The following PARP8 variants were observed in gnomAD, a reference collection of about 807,000 sequenced individuals.
PARP8 encodes poly(ADP-ribose) polymerase family member 8.
In PARP8, 51 loss-of-function variants were observed where a neutral mutation model predicts 124.1. The ratio of observed to expected loss-of-function variants is 0.41; its 90% CI spans 0.33 to 0.52. The LOEUF (loss-of-function observed/expected upper bound fraction) is 0.52. PARP8 is among the 20% of genes least tolerant of loss of function. The pLI is 0.21. For missense variants in PARP8, 860 were observed against 1,018.9 expected, an observed-to-expected ratio of 0.84 and a Z score of 2.12; for synonymous variants, 391 against 361.5, an observed-to-expected ratio of 1.08 and a Z score of -0.93.
chr5:50,705,614 A>G (rs1439143786), intron 2 of PARP8, among the ~76,000 whole-genome samples: 4 of 152,078 alleles, frequency 2.6e-5, no homozygotes, highest in African/African-American at 9.7e-5. Context: ...GTGAAACCCC[A>G]TCTTTACTAA....
chr5:50,781,725 T>A (rs973056278), intron 9 of PARP8, among the ~76,000 whole-genome samples: 19 of 152,194 alleles, frequency 1.2e-4, no homozygotes, highest in African/African-American at 2.4e-4. Context: ...GCAGTTTTTT[T>A]AATCTTCCCT....
chr5:50,680,161 T>C (rs1458190051), intron 2 of PARP8, among the ~76,000 whole-genome samples: 1 of 152,210 alleles, frequency 6.6e-6, no homozygotes, highest in Non-Finnish European at 1.5e-5. Context: ...GAGTACCAGA[T>C]ACTCATTGCT....
chr5:50,812,463 G>T (rs1225317942), intron 14 of PARP8, among the ~76,000 whole-genome samples: 1 of 152,228 alleles, frequency 6.6e-6, no homozygotes, highest in Admixed American at 6.5e-5. Flanking sequence ...TTGTAAGTTT[G>T]TTTAAGTTCT....
chr5:50,681,096 A>G (rs1751241469), intron 2 of PARP8, among the ~76,000 whole-genome samples: 1 of 152,288 alleles, frequency 6.6e-6, no homozygotes, highest in Admixed American at 6.5e-5. Context: ...TTTCCAACTA[A>G]AAATAGTATT....
intron 4 of PARP8, 100 bp from the exon 5 acceptor site, chr5:50,760,192 T>A (rs1760405434): frequency 1.9e-6 from 2 of 1,026,554 alleles, no homozygotes; most frequent in African/African-American, 3.4e-5. Context: ...TCAGAGGAGA[T>A]GGAATCACCT....
At chr5:50,690,448 C>G (rs1752373201) in intron 2 of PARP8, among the ~76,000 whole-genome samples, 1 of 152,188 alleles carries the variant, frequency 6.6e-6, no homozygotes. Context: ...CACCCTCTCT[C>G]TCTTCCCTCT....
At chr5:50,815,817 A>C (rs1360077282) in intron 15 of PARP8, among the ~76,000 whole-genome samples, 1 of 152,200 alleles carries the variant, frequency 6.6e-6, no homozygotes, top group Non-Finnish European at 1.5e-5. Context: ...ACCCTCGTGC[A>C]TGCTTTATGT....
At chr5:50,781,561 G>T (rs139536335) in intron 9 of PARP8, among the ~76,000 whole-genome samples, 42 of 152,250 alleles carry the variant, frequency 2.8e-4, no homozygotes, top group African/African-American at 7.7e-4. Flanking sequence ...CTCTGCTGGT[G>T]CCCTACCCTG....
At chr5:50,793,445 C>G (rs945723632) in intron 10 of PARP8, among the ~76,000 whole-genome samples, 2 of 152,246 alleles carry the variant, frequency 1.3e-5, no homozygotes, top group African/African-American at 4.8e-5. Context: ...ACACTGTGTC[C>G]AAGTCCACAG....
At chr5:50,686,843 C>T (rs1371627283) in intron 2 of PARP8, among the ~76,000 whole-genome samples, 1 of 152,136 alleles carries the variant, frequency 6.6e-6, no homozygotes, top group Non-Finnish European at 1.5e-5. Context: ...GGACGCAGGG[C>T]ATGGAGTCCC....
At chr5:50,692,177 T>C (rs1752561653) in intron 2 of PARP8, among the ~76,000 whole-genome samples, 1 of 152,200 alleles carries the variant, frequency 6.6e-6, no homozygotes, top group Non-Finnish European at 1.5e-5. Flanking sequence ...TCCTTGTTAT[T>C]CTATTGACCG....
chr5:50,838,740 C>T (rs1205401391), intron 25 of PARP8, among the ~76,000 whole-genome samples: 2 of 152,046 alleles, frequency 1.3e-5, no homozygotes. Flanking sequence ...GCACAAACCA[C>T]TGATTAAGTG....
At chr5:50,732,212 A>C (rs1311094978) in intron 2 of PARP8, among the ~76,000 whole-genome samples, 1 of 152,228 alleles carries the variant, frequency 6.6e-6, no homozygotes, top group Non-Finnish European at 1.5e-5. Context: ...GTAGAAATAC[A>C]ATACGATACA....
At chr5:50,841,016 G>A (rs1461559937) in intron 25 of PARP8, among the ~76,000 whole-genome samples, 1 of 151,824 alleles carries the variant, frequency 6.6e-6, no homozygotes, top group Non-Finnish European at 1.5e-5. Flanking sequence ...GATTACATAA[G>A]GAGCCAAGTT....
At chr5:50,761,751 A>T in intron 5 of PARP8, 70 bp from the exon 6 acceptor site, 1 of 991,856 alleles carries the variant, frequency 1.0e-6, no homozygotes, top group Non-Finnish European at 1.5e-6. Flanking sequence ...TGCCTATTAT[A>T]GTCACTTGCT....
At chr5:50,788,674 C>CTT (rs1554062050) in intron 10 of PARP8, 85 bp downstream of exon 10, 2 of 1,127,888 alleles carry the variant, frequency 1.8e-6, no homozygotes, top group Non-Finnish European at 2.6e-6. Flanking sequence ...CAAACAAAAA[C>CTT]CTATTCAGTA....
rs536367938 is a variant in PARP8 at position 50,839,439 on chromosome 5, C to T, written c.2463-2527C>T. On this transcript the variant is annotated intron_variant, in intron 25 of 25. Coordinates refer to ENST00000281631, the MANE Select transcript of PARP8 (RefSeq NM_024615.4). ...TGTATACCCTATTGTAATAAATACT[C>T]TAATACCACTAGCAACTTATGTATC... Among the ~76,000 whole-genome samples the T allele has an allele frequency of 2.0e-5, 3 of 152,032 alleles. No individual in the cohort carries two copies. In the East Asian group the frequency reaches 5.8e-4, roughly 30 times the overall value.
intron 3 of PARP8, among the ~76,000 whole-genome samples, chr5:50,755,657 A>G (rs556481979): frequency 1.3e-5 from 2 of 152,202 alleles, no homozygotes; most frequent in East Asian, 3.9e-4. Flanking sequence ...TTGACTTGGC[A>G]ATGCAGGCTG....
intron 2 of PARP8, among the ~76,000 whole-genome samples, chr5:50,732,940 G>T (rs560299265): frequency 2.0e-5 from 3 of 151,848 alleles, no homozygotes; most frequent in African/African-American, 7.2e-5. Flanking sequence ...TGTAGGAAAT[G>T]AAACTGTGAA....
Sources: allele counts gnomAD v4.1 joint callset (sites outside exome capture counted in the v4.1 genomes callset), GRCh38; gene constraint gnomAD v4.1.1; transcripts MANE v1.5; gene names NCBI Gene and HGNC (gene_info 2026-07-23, HGNC 2026-07-21).